PLCH1: variants seen among roughly 807,000 people sequenced by gnomAD.
The protein encoded by PLCH1 is 1-phosphatidylinositol 4,5-bisphosphate phosphodiesterase eta-1.
Under a neutral mutation model 126.7 loss-of-function variants are expected in PLCH1, and 60 were observed. The ratio of observed to expected loss-of-function variants is 0.47; its 90% CI spans 0.38 to 0.59. The LOEUF (loss-of-function observed/expected upper bound fraction) is 0.59, where lower values mean the gene tolerates loss of function less well. Among genes scored for constraint, PLCH1 ranks in the 20% least tolerant of loss-of-function variants. The probability of loss-of-function intolerance (pLI) is 0.00; values close to 1 mark genes in which losing one functional copy is unlikely to be tolerated. For synonymous variants in PLCH1, 719 were observed against 734.9 expected, an observed-to-expected ratio of 0.98 and a Z score of 0.35; for missense variants, 1,723 against 2,040.0, an observed-to-expected ratio of 0.84 and a Z score of 2.99.
intron 2 of PLCH1, among the ~76,000 whole-genome samples, chr3:155,689,666 T>C (rs911878518): frequency 1.3e-5 from 2 of 151,770 alleles, no homozygotes; most frequent in African/African-American, 4.8e-5. Context: ...AATAGCAGAA[T>C]TGATCAAGCA....
chr3:155,633,246 T>C (rs1738258573), intron 2 of PLCH1, among the ~76,000 whole-genome samples: 1 of 151,888 alleles, frequency 6.6e-6, no homozygotes, highest in Non-Finnish European at 1.5e-5. Context: ...ATGGAGATGC[T>C]CTAAGAGGCT....
At chr3:155,514,991 T>A in intron 11 of PLCH1, 107 bp from the exon 12 acceptor site, 2 of 665,804 alleles carry the variant, frequency 3.0e-6, no homozygotes, top group African/African-American at 1.8e-5. Flanking sequence ...TTCTCTCAAT[T>A]ACTTGTAAGA....
intron 21 of PLCH1, among the ~76,000 whole-genome samples, chr3:155,456,445 CAA>C (rs1463675638): frequency 1.3e-5 from 2 of 152,102 alleles, no homozygotes; most frequent in African/African-American, 4.8e-5. Flanking sequence ...ATGGGTTGGA[CAA>C]GTTTGATCTA....
chr3:155,585,368 C>T (rs977756846), intron 5 of PLCH1, among the ~76,000 whole-genome samples: 1 of 152,174 alleles, frequency 6.6e-6, no homozygotes, highest in Non-Finnish European at 1.5e-5. Flanking sequence ...ATGCACGCAA[C>T]TTATCTTCAA....
chr3:155,556,420 T>C (rs182825950), intron 8 of PLCH1, among the ~76,000 whole-genome samples: 1 of 152,352 alleles, frequency 6.6e-6, no homozygotes, highest in African/African-American at 2.4e-5. Context: ...TTCTCTATTT[T>C]AGTAGCACCT....
intron 2 of PLCH1, among the ~76,000 whole-genome samples, chr3:155,626,210 ACAAAAAAAAAAAAGAAAGAT>A (rs61713121): frequency 0.48 from 73,433 of 151,424 alleles, 20,141 homozygotes; most frequent in African/African-American, 0.74. Context: ...TGGGGGCATC[ACAAAAAAAAAAAAGAAAGAT>A]GATTAATATC....
chr3:155,635,812 C>T (rs944305124), intron 2 of PLCH1, among the ~76,000 whole-genome samples: 12 of 152,186 alleles, frequency 7.9e-5, no homozygotes, highest in African/African-American at 2.9e-4. Context: ...ATCATATATG[C>T]TTTGAATGAT....
chr3:155,454,141 T>C (rs1429318662), intron 21 of PLCH1, among the ~76,000 whole-genome samples: 1 of 152,214 alleles, frequency 6.6e-6, no homozygotes, highest in Admixed American at 6.5e-5. Context: ...TTAATTCATA[T>C]AATCTTCATG....
intron 11 of PLCH1, among the ~76,000 whole-genome samples, chr3:155,515,223 C>A (rs992753548): frequency 6.6e-6 from 1 of 152,148 alleles, no homozygotes; most frequent in Non-Finnish European, 1.5e-5. Flanking sequence ...GGTTACATAG[C>A]TAGCAAATAA....
chr3:155,603,451 T>G (rs1333455199), intron 2 of PLCH1, among the ~76,000 whole-genome samples: 2 of 152,182 alleles, frequency 1.3e-5, no homozygotes, highest in Non-Finnish European at 2.9e-5. Context: ...ACATAGCAGG[T>G]GCTGAGAGAT....
At chr3:155,489,491 A>C (rs1482301419) in intron 19 of PLCH1, among the ~76,000 whole-genome samples, 1 of 152,200 alleles carries the variant, frequency 6.6e-6, no homozygotes, top group African/African-American at 2.4e-5. Flanking sequence ...TAGTTGAGAA[A>C]ATTGATGTTC....
chr3:155,723,890 G>T (rs1339837271), intron 1 of PLCH1, among the ~76,000 whole-genome samples: 1 of 144,948 alleles, frequency 6.9e-6, no homozygotes. Context: ...GGAGGTGGAG[G>T]TTGCAGTGAG....
chr3:155,730,616 G>C (rs1748699172), intron 1 of PLCH1, among the ~76,000 whole-genome samples: 1 of 152,154 alleles, frequency 6.6e-6, no homozygotes, highest in African/African-American at 2.4e-5. Flanking sequence ...TTAATTTATA[G>C]TATATCCATA....
chr3:155,646,121 T>A (rs1577230425), intron 2 of PLCH1, among the ~76,000 whole-genome samples: 2 of 152,310 alleles, frequency 1.3e-5, no homozygotes, highest in Middle Eastern at 6.8e-3. Context: ...GAGAGCTGTT[T>A]ACGATCTCTA....
At chr3:155,729,699 G>C (rs959868232) in intron 1 of PLCH1, among the ~76,000 whole-genome samples, 1 of 152,212 alleles carries the variant, frequency 6.6e-6, no homozygotes, top group Admixed American at 6.5e-5. Flanking sequence ...TGAGGTGGCA[G>C]ATGGCTTGAG....
intron 1 of PLCH1, among the ~76,000 whole-genome samples, chr3:155,727,716 G>A (rs1013239729): frequency 4.0e-5 from 6 of 151,868 alleles, no homozygotes; most frequent in African/African-American, 1.5e-4. Context: ...AACCAAATCT[G>A]CATCTTGAGG....
chr3:155,640,337 A>ATGTC (rs1739259380), intron 2 of PLCH1, among the ~76,000 whole-genome samples: 1 of 152,244 alleles, frequency 6.6e-6, no homozygotes, highest in Non-Finnish European at 1.5e-5. Flanking sequence ...AATATCCAAG[A>ATGTC]TGTCTGGGTG....
intron 2 of PLCH1, among the ~76,000 whole-genome samples, chr3:155,697,462 A>C (rs1019066358): frequency 6.6e-6 from 1 of 152,030 alleles, no homozygotes; most frequent in Non-Finnish European, 1.5e-5. Flanking sequence ...TGGAGGAAAC[A>C]CCCCTCACCC....
chr3:155,705,223 A>G (rs976902775), intron 1 of PLCH1, among the ~76,000 whole-genome samples: 4 of 152,194 alleles, frequency 2.6e-5, no homozygotes, highest in African/African-American at 9.6e-5. Context: ...AAAAAAATAT[A>G]TATTATCAGA....
Sources: allele counts gnomAD v4.1 joint callset (sites outside exome capture counted in the v4.1 genomes callset), GRCh38; gene constraint gnomAD v4.1.1; transcripts MANE v1.5; gene names NCBI Gene and HGNC (gene_info 2026-07-23, HGNC 2026-07-21).